The following EPAS1 variants were observed in gnomAD, a reference collection of about 807,000 sequenced individuals.
EPAS1 encodes the protein endothelial PAS domain-containing protein 1.
EPAS1 carries 23 observed loss-of-function variants against 87.9 expected under a neutral mutation model. The observed-to-expected ratio is 0.26, with a 90% CI of 0.19 to 0.37. The LOEUF is 0.37. Ranked by LOEUF, EPAS1 falls within the 10% of genes least tolerant of loss-of-function variation. The pLI is 1.00. For missense variants in EPAS1, 1,138 were observed against 1,120.7 expected (o/e 1.02, Z -0.22); for synonymous variants, 508 against 444.3 (o/e 1.14, Z -1.80).
intron 1 of EPAS1, among the ~76,000 whole-genome samples, chr2:46,330,475 G>A (rs567394199): frequency 6.6e-6 from 1 of 152,182 alleles, no homozygotes; most frequent in Non-Finnish European, 1.5e-5. Flanking sequence ...CAAAGAGCAG[G>A]GTTCCCAGTG....
rs142304447 is a variant in EPAS1, at chr2:46,353,337, T to C, written c.218-2814T>C. On this transcript the variant is annotated intron_variant, in intron 2 of 15. Coordinates refer to ENST00000263734, the MANE Select transcript of EPAS1 (RefSeq NM_001430.5). ...GGGAACTTTTTAGAAAAACAGATTC[T>C]CAGTTCTACTGAACCAGGAACCCAG... Among the ~76,000 whole-genome samples, 493 of 152,308 alleles carry C rather than the reference T, an allele frequency of 3.2e-3. 5 individuals carry two copies. Among genetic ancestry groups the C allele is most frequent in the African/African-American group, 0.011 (472 of 41,576 alleles).
chr2:46,318,199 A>C (rs12476787), intron 1 of EPAS1, among the ~76,000 whole-genome samples: 11 of 59,788 alleles, frequency 1.8e-4, no homozygotes, highest in South Asian at 5.9e-4. Flanking sequence ...CACACACACA[A>C]ACACACACAC....
At chr2:46,357,232 G>C (rs551771855) in intron 4 of EPAS1, among the ~76,000 whole-genome samples, 1 of 152,314 alleles carries the variant, frequency 6.6e-6, no homozygotes, top group East Asian at 1.9e-4. Context: ...ATCTCCCAGG[G>C]TTCTGTGGGT....
intron 4 of EPAS1, among the ~76,000 whole-genome samples, chr2:46,357,601 C>T (rs139977814): frequency 1.3e-5 from 2 of 152,282 alleles, no homozygotes; most frequent in South Asian, 4.1e-4. Context: ...ACAGGCCAGC[C>T]CTGGCTCATT....
rs150881139 is a variant in EPAS1 at position 46,324,692 on chromosome 2, C to T, written c.27-22181C>T. On this transcript the variant is annotated intron_variant, in intron 1 of 15. Coordinates refer to ENST00000263734, the MANE Select transcript of EPAS1 (RefSeq NM_001430.5). ...CTGCCCCTAGATGCCAAACTTTTTC[C>T]GTACAAGTTTTCAAGGCACATTATT... Among the ~76,000 whole-genome samples, 308 of 152,290 alleles carry T rather than the reference C, an allele frequency of 2.0e-3. 2 individuals are homozygous for T. The highest frequency in any genetic ancestry group is 2.3e-3 in the African/African-American group (97 of 41,568).
At chr2:46,352,430 A>G (rs1454519620) in intron 2 of EPAS1, among the ~76,000 whole-genome samples, 1 of 152,246 alleles carries the variant, frequency 6.6e-6, no homozygotes, top group Admixed American at 6.5e-5. Context: ...AGCATAAAGC[A>G]GACATGAACA....
chr2:46,381,035 T>G, intron 12 of EPAS1: 1 of 435,550 alleles, frequency 2.3e-6, no homozygotes, highest in Non-Finnish European at 4.2e-6. Context: ...CACAGAAAAT[T>G]GAGTGATGAT....
rs904305615 is a variant in EPAS1, at chr2:46,375,569, G to A, written c.887-121G>A. 15 of 1,256,656 alleles carry A rather than the reference G, an allele frequency of 1.2e-5. No individual in the cohort carries two copies. The highest frequency in any genetic ancestry group is 4.5e-5 in the African/African-American group (3 of 67,166). 77.8% of individuals were successfully genotyped at this position (1,256,656 alleles called of 1,614,324 possible). A position where few individuals can be genotyped will look rare whatever the true frequency, so the allele number is the denominator to read the frequency against. On this transcript the variant is annotated intron_variant, in intron 7 of 15. Transcript: ENST00000263734. This position sits in a 1 kb window ranked among gnomAD's most constrained non-coding sequence, Gnocchi z 4.1. ...GTCACTCTCCCTGGTCCTCACTGTC[G>A]TGGCGCCCTGTTCTGTCTGTTCCCC...
chr2:46,303,021 C>T (rs576692679), intron 1 of EPAS1, among the ~76,000 whole-genome samples: 4 of 152,096 alleles, frequency 2.6e-5, no homozygotes, highest in East Asian at 3.9e-4. Flanking sequence ...TGCAGTGAGC[C>T]GAGATCGTGC....
intron 1 of EPAS1, among the ~76,000 whole-genome samples, chr2:46,305,423 T>C (rs1323655907): frequency 1.3e-5 from 2 of 152,174 alleles, no homozygotes; most frequent in Non-Finnish European, 2.9e-5. Context: ...CTGCCAGAAG[T>C]TCCACATGTT....
chr2:46,368,686 A>G (rs1254092794), intron 6 of EPAS1, among the ~76,000 whole-genome samples: 1 of 152,182 alleles, frequency 6.6e-6, no homozygotes, highest in East Asian at 1.9e-4. Flanking sequence ...GATCCCCTAC[A>G]AGGATAAATT....
Position 46,382,004 on chromosome 2 carries a change from T to C in EPAS1, c.2202T>C (p.His734=). The C allele has an allele frequency of 1.3e-6, 2 of 1,590,868 alleles. No homozygotes were observed. The highest frequency in any genetic ancestry group is 1.7e-6 in the Non-Finnish European group (2 of 1,165,238). The change falls in exon 14 of 16, where the codon CAT becomes CAC. Residue 734 remains histidine, a synonymous_variant. Transcript: ENST00000263734. ...ACCCACCTGGTGGCAGCACCTCACA[T>C]TTGATGTGGAAACGGATGAAGAACC... is the stretch of plus-strand genomic sequence containing the variant. The part of the protein sequence containing the change: ...GGDPPGGSTS[H]LMWKRMKNLR...
chr2:46,305,669 G>C (rs779074650), intron 1 of EPAS1, among the ~76,000 whole-genome samples: 11 of 152,136 alleles, frequency 7.2e-5, no homozygotes, highest in Non-Finnish European at 1.5e-5. Context: ...AGCCATGGAA[G>C]TGGATTGTTA....
intron 6 of EPAS1, among the ~76,000 whole-genome samples, chr2:46,363,371 A>G (rs924924336): frequency 2.0e-5 from 3 of 152,258 alleles, no homozygotes; most frequent in Non-Finnish European, 4.4e-5. Flanking sequence ...CTACTGTCCT[A>G]GAAAATAACT....
chr2:46,321,111 T>G (rs934262007), intron 1 of EPAS1, among the ~76,000 whole-genome samples: 1 of 152,258 alleles, frequency 6.6e-6, no homozygotes, highest in Non-Finnish European at 1.5e-5. Context: ...CCAAGTAGAT[T>G]GTATATATAG....
In EPAS1 at chr2:46,380,279, ACGG is replaced by A; in HGVS notation, c.1608_1610del (p.Asp536_Gly537delinsGlu). ...ACACTGGCACCCTATATCCCCATGG[ACGG>A]GGAAGACTTCCAGCTAAGCCCCATC... On this transcript the variant is annotated inframe_deletion, in exon 12 of 16. Coordinates refer to ENST00000263734, the MANE Select transcript of EPAS1 (RefSeq NM_001430.5). The surrounding 1 kb of genome is among the most constrained non-coding windows in gnomAD (Gnocchi z 4.4). The A allele has an allele frequency of 6.2e-7, 1 of 1,613,900 alleles. No homozygotes were observed. Among genetic ancestry groups the A allele is most frequent in the Non-Finnish European group, 8.5e-7 (1 of 1,180,002 alleles).
intron 4 of EPAS1, among the ~76,000 whole-genome samples, chr2:46,357,474 C>T (rs887772150): frequency 2.6e-5 from 4 of 152,190 alleles, no homozygotes; most frequent in Admixed American, 6.5e-5. Context: ...AGACATCTTA[C>T]GTGGCAGTTT....
intron 1 of EPAS1, among the ~76,000 whole-genome samples, chr2:46,310,426 C>T (rs1462596544): frequency 2.0e-5 from 3 of 152,224 alleles, no homozygotes; most frequent in Non-Finnish European, 4.4e-5. Context: ...TCCCTTTGAT[C>T]AATTTCTACC....
At chr2:46,379,830 A>T (rs1472846396) in intron 11 of EPAS1, 1 of 279,020 alleles carries the variant, frequency 3.6e-6, no homozygotes, top group African/African-American at 2.2e-5. Context: ...GGACAAAAAA[A>T]AGCCACAGTG....
Sources: gnomAD v4.1 joint callset for allele counts (sites outside exome capture counted in the v4.1 genomes callset) on GRCh38, gnomAD v4.1.1 for gene constraint, Gnocchi (gnomAD v3.1) non-coding constraint, MANE v1.5 for transcripts, NCBI Gene and HGNC (gene_info 2026-07-23, HGNC 2026-07-21) for gene names.